SGCD: variants seen among roughly 807,000 people sequenced by gnomAD.
SGCD encodes delta-sarcoglycan.
A neutral mutation model predicts 36.6 loss-of-function variants in SGCD; 18 were observed. The observed-to-expected ratio is 0.49, with a 90% CI of 0.34 to 0.73. The LOEUF is 0.73. Among genes scored for constraint, SGCD ranks in the 30% least tolerant of loss-of-function variants. SGCD has a pLI of 0.01. For missense variants in SGCD, 387 were observed against 346.7 expected, an observed-to-expected ratio of 1.12 and a Z score of -0.92; for synonymous variants, 133 against 130.6, an observed-to-expected ratio of 1.02 and a Z score of -0.12.
chr5:156,669,599 A>G (rs1753204963), intron 7 of SGCD, among the ~76,000 whole-genome samples: 1 of 152,214 alleles, frequency 6.6e-6, no homozygotes, highest in African/African-American at 2.4e-5. Flanking sequence ...GATTTGTCAA[A>G]TGACCAGCCT....
At chr5:156,267,875 GGTTT>G (rs1766044638) in intron 3 of SGCD, among the ~76,000 whole-genome samples, 1 of 152,044 alleles carries the variant, frequency 6.6e-6, no homozygotes, top group Non-Finnish European at 1.5e-5. Context: ...TACATATTCA[GGTTT>G]GTTATATAGG....
chr5:156,237,339 A>G (rs2127654295), intron 3 of SGCD, among the ~76,000 whole-genome samples: 1 of 152,166 alleles, frequency 6.6e-6, no homozygotes, highest in South Asian at 2.1e-4. Context: ...ACAAAGTGGG[A>G]CATGGCCGGG....
At chr5:156,610,462 G>A (rs772102297) in intron 6 of SGCD, among the ~76,000 whole-genome samples, 1 of 152,346 alleles carries the variant, frequency 6.6e-6, no homozygotes, top group South Asian at 2.1e-4. Flanking sequence ...ATTGGAGGGT[G>A]CCTCCCAGTT....
the SGCD span, among the ~76,000 whole-genome samples, chr5:155,818,967 ATTGT>A: frequency 6.6e-6 from 1 of 152,040 alleles, no homozygotes; most frequent in Non-Finnish European, 1.5e-5. Context: ...CTTTCTGTAA[ATTGT>A]TTGTGTCCAT....
intron 1 of SGCD, among the ~76,000 whole-genome samples, chr5:156,083,287 A>AT (rs1247021093): frequency 7.1e-6 from 1 of 141,632 alleles, no homozygotes; most frequent in Non-Finnish European, 1.5e-5. Flanking sequence ...TAAATTTATC[A>AT]TTTTTTTCCT....
chr5:155,926,020 C>T (rs752754329), intron 1 of SGCD, among the ~76,000 whole-genome samples: 3 of 152,082 alleles, frequency 2.0e-5, no homozygotes, highest in Non-Finnish European at 4.4e-5. Flanking sequence ...GCTTCAGCCT[C>T]CCAAAGTACT....
At chr5:156,429,350 C>T (rs1186229712) in intron 3 of SGCD, among the ~76,000 whole-genome samples, 10 of 148,376 alleles carry the variant, frequency 6.7e-5, no homozygotes, top group South Asian at 2.1e-4. Flanking sequence ...TTTTGGTTTC[C>T]GTTTGCCTAG....
At chr5:156,500,691 G>A (rs542214687) in intron 3 of SGCD, among the ~76,000 whole-genome samples, 3 of 152,176 alleles carry the variant, frequency 2.0e-5, no homozygotes, top group South Asian at 4.2e-4. Flanking sequence ...AACGACCAAC[G>A]TTTGCCTTTT....
At chr5:155,802,130 C>T in the SGCD span, among the ~76,000 whole-genome samples, 1 of 152,292 alleles carries the variant, frequency 6.6e-6, no homozygotes, top group East Asian at 1.9e-4. Flanking sequence ...GTTTAGAGAT[C>T]CTTGTCAGTC....
intron 3 of SGCD, among the ~76,000 whole-genome samples, chr5:156,296,001 T>C (rs1470856719): frequency 6.6e-6 from 1 of 152,048 alleles, no homozygotes; most frequent in Non-Finnish European, 1.5e-5. Flanking sequence ...AATCAGATGG[T>C]AGGAAGCAAG....
intron 3 of SGCD, among the ~76,000 whole-genome samples, chr5:156,145,270 A>G (rs1762683007): frequency 6.6e-6 from 1 of 152,176 alleles, no homozygotes; most frequent in Non-Finnish European, 1.5e-5. Flanking sequence ...CAGCCATGTG[A>G]AGTTCTGGCT....
chr5:156,619,186 C>T (rs986137556), intron 6 of SGCD, among the ~76,000 whole-genome samples: 4 of 152,192 alleles, frequency 2.6e-5, no homozygotes, highest in African/African-American at 4.8e-5. Flanking sequence ...CCACGACGCC[C>T]GGCTAATTTT....
intron 6 of SGCD, among the ~76,000 whole-genome samples, chr5:156,638,884 A>G (rs768728420): frequency 6.6e-6 from 1 of 152,162 alleles, no homozygotes; most frequent in East Asian, 1.9e-4. Context: ...TAAAATGTGT[A>G]CTTTGATGGT....
At chr5:155,944,077 C>T (rs1246075439) in intron 1 of SGCD, among the ~76,000 whole-genome samples, 1 of 152,172 alleles carries the variant, frequency 6.6e-6, no homozygotes, top group Non-Finnish European at 1.5e-5. Context: ...TCTGCCTTGG[C>T]TGTCTCTGGG....
At chr5:156,427,438 G>C (rs1773722415) in intron 3 of SGCD, among the ~76,000 whole-genome samples, 1 of 152,070 alleles carries the variant, frequency 6.6e-6, no homozygotes, top group Non-Finnish European at 1.5e-5. Context: ...GGAGCTTTTT[G>C]AGTGAGTCTT....
intron 7 of SGCD, among the ~76,000 whole-genome samples, chr5:156,736,951 T>C (rs943897382): frequency 6.6e-6 from 1 of 152,202 alleles, no homozygotes; most frequent in Non-Finnish European, 1.5e-5. Context: ...AGGCTTCTCA[T>C]GTTACCATTT....
chr5:156,528,312 A>G (rs1362845467), intron 4 of SGCD, among the ~76,000 whole-genome samples: 1 of 152,202 alleles, frequency 6.6e-6, no homozygotes, highest in East Asian at 1.9e-4. Context: ...AATTTATGTA[A>G]AGCTTATGGA....
intron 1 of SGCD, among the ~76,000 whole-genome samples, chr5:155,978,629 C>G (rs1048190472): frequency 1.3e-5 from 2 of 152,250 alleles, no homozygotes; most frequent in African/African-American, 2.4e-5. Context: ...CTTGTCTAGA[C>G]TTAGTCCTCG....
intron 3 of SGCD, among the ~76,000 whole-genome samples, chr5:156,409,972 A>C (rs1381382478): frequency 2.6e-5 from 4 of 152,152 alleles, no homozygotes; most frequent in Non-Finnish European, 5.9e-5. Context: ...AGTTGGGAAG[A>C]TGTATGAAGT....
Sources: gnomAD v4.1 joint callset for allele counts (sites outside exome capture counted in the v4.1 genomes callset) on GRCh38, gnomAD v4.1.1 for gene constraint, MANE v1.5 for transcripts, NCBI Gene and HGNC (gene_info 2026-07-23, HGNC 2026-07-21) for gene names.